SHISA6: variants seen among roughly 807,000 people sequenced by gnomAD.
SHISA6 encodes the protein shisa family member 6, also known as protein shisa-6.
In SHISA6, 22 loss-of-function variants were observed where a neutral mutation model predicts 47.9. That is an observed-to-expected ratio of 0.46 (90% CI 0.33 to 0.66). The LOEUF (loss-of-function observed/expected upper bound fraction) is 0.66. SHISA6 is among the 30% of genes least tolerant of loss of function. The pLI is 0.02. For missense variants in SHISA6, 680 were observed against 764.6 expected (o/e 0.89, Z 1.30); for synonymous variants, 388 against 337.8 (o/e 1.15, Z -1.63).
At chr17:11,375,640 C>G (rs776729924) in intron 2 of SHISA6, among the ~76,000 whole-genome samples, 14 of 152,272 alleles carry the variant, frequency 9.2e-5, no homozygotes, top group Non-Finnish European at 2.1e-4. Context: ...ATCACACACT[C>G]CAGGAGCCCA....
intron 3 of SHISA6, among the ~76,000 whole-genome samples, chr17:11,549,900 T>C (rs1388003416): frequency 6.6e-6 from 1 of 152,234 alleles, no homozygotes; most frequent in Non-Finnish European, 1.5e-5. Context: ...TTCTCTCTTC[T>C]TGCTTAAATT....
intron 3 of SHISA6, among the ~76,000 whole-genome samples, chr17:11,516,606 C>T (rs2071588015): frequency 6.6e-6 from 1 of 152,184 alleles, no homozygotes; most frequent in African/African-American, 2.4e-5. Context: ...CTGTGGCAGA[C>T]TTCAAACTAC....
At chr17:11,396,121 T>C (rs1216322365) in intron 3 of SHISA6, among the ~76,000 whole-genome samples, 1 of 152,242 alleles carries the variant, frequency 6.6e-6, no homozygotes, top group Non-Finnish European at 1.5e-5. Context: ...TGTCAAAAGC[T>C]TTTTCAGCAT....
intron 2 of SHISA6, among the ~76,000 whole-genome samples, chr17:11,300,955 T>C (rs915189685): frequency 1.7e-4 from 23 of 138,424 alleles, no homozygotes; most frequent in Admixed American, 1.3e-3. Context: ...AATCACAACA[T>C]GTTCACACAG....
At chr17:11,496,296 C>T (rs8074948) in intron 3 of SHISA6, among the ~76,000 whole-genome samples, 2,773 of 152,282 alleles carry the variant, frequency 0.018, 77 homozygotes, top group African/African-American at 0.062. Context: ...TTCCATCCAC[C>T]ACAGGTGAGA....
chr17:11,264,720 A>G (rs574748406), intron 2 of SHISA6, among the ~76,000 whole-genome samples: 2 of 152,354 alleles, frequency 1.3e-5, no homozygotes, highest in Admixed American at 1.3e-4. Flanking sequence ...GATCAAATCC[A>G]AACTATAGCA....
intron 1 of SHISA6, among the ~76,000 whole-genome samples, chr17:11,245,700 C>T (rs1358212988): frequency 3.3e-5 from 4 of 120,506 alleles, no homozygotes; most frequent in Non-Finnish European, 6.5e-5. Flanking sequence ...GCCCTGGGTC[C>T]TTCCACTGCC....
At chr17:11,450,164 C>T (rs1915352564) in intron 3 of SHISA6, among the ~76,000 whole-genome samples, 1 of 152,018 alleles carries the variant, frequency 6.6e-6, no homozygotes, top group Non-Finnish European at 1.5e-5. Flanking sequence ...GGATTACAGG[C>T]GTTGAGCCAC....
At position 11,508,615 on chromosome 17, in the gene SHISA6, T is replaced by C. The variant is rs1409827463; in HGVS notation, c.896-43281T>C. Among the ~76,000 whole-genome samples, 6 of 125,118 alleles carry C rather than the reference T, an allele frequency of 4.8e-5. 2 individuals carry two copies. The highest frequency in any genetic ancestry group is 1.0e-4 in the Non-Finnish European group (6 of 59,834). 82.1% of individuals were successfully genotyped at this position (125,118 alleles called of 152,430 possible). A position where few individuals can be genotyped will look rare whatever the true frequency, so the allele number is the denominator to read the frequency against. On this transcript the variant is annotated intron_variant, in intron 3 of 5. Transcript: ENST00000441885. ...CCTGCCAGTGCTCCCAGGTCATTTCTCCTTGGGGGTGCCCACAGGTGGGTG... is the reference window on the plus strand; with the variant it reads ...CCTGCCAGTGCTCCCAGGTCATTTCCCCTTGGGGGTGCCCACAGGTGGGTG...
At chr17:11,386,805 C>T (rs1253014956) in intron 3 of SHISA6, among the ~76,000 whole-genome samples, 1 of 152,158 alleles carries the variant, frequency 6.6e-6, no homozygotes, top group Admixed American at 6.5e-5. Flanking sequence ...GTGATCTTTG[C>T]TCAGTGAAAT....
chr17:11,331,722 C>T lies in SHISA6; in HGVS notation c.800-47692C>T, dbSNP rs1159622773. Among the ~76,000 whole-genome samples, 4 of 138,378 alleles carry T rather than the reference C, an allele frequency of 2.9e-5. No individual in the cohort carries two copies. The East Asian group carries it at 8.7e-4, about 30-fold the overall frequency. The allele number at this position is 138,378 out of a possible 152,430, so 90.8% of individuals were successfully genotyped here. Reference sequence around the variant, plus strand: ...CTATCTTTTTCTCTGATCCACAGCTCACATGGACAGGGCTCTCTCAAACAC... The same window carrying T: ...CTATCTTTTTCTCTGATCCACAGCTTACATGGACAGGGCTCTCTCAAACAC... On this transcript the variant is annotated intron_variant, in intron 2 of 5. Transcript: ENST00000441885.
intron 2 of SHISA6, among the ~76,000 whole-genome samples, chr17:11,304,269 C>T (rs1391326841): frequency 1.3e-5 from 2 of 152,180 alleles, no homozygotes; most frequent in African/African-American, 2.4e-5. Context: ...GGCCGGGTGG[C>T]AGTGTGAAGT....
At chr17:11,319,137 G>T (rs1910625029) in intron 2 of SHISA6, among the ~76,000 whole-genome samples, 1 of 147,502 alleles carries the variant, frequency 6.8e-6, no homozygotes, top group Non-Finnish European at 1.5e-5. Flanking sequence ...GGAGTGTAAT[G>T]GCATGATCTT....
intron 2 of SHISA6, among the ~76,000 whole-genome samples, chr17:11,286,051 T>C (rs995445711): frequency 2.0e-5 from 3 of 152,212 alleles, no homozygotes; most frequent in Middle Eastern, 3.4e-3. Context: ...TTAGCCAGGA[T>C]GGTCTCGAAC....
At chr17:11,370,748 A>G (rs1912608080) in intron 2 of SHISA6, among the ~76,000 whole-genome samples, 1 of 152,098 alleles carries the variant, frequency 6.6e-6, no homozygotes, top group Admixed American at 6.6e-5. Flanking sequence ...TGCCTTTGTG[A>G]CCTTGAGAAT....
At chr17:11,280,610 T>C (rs531886746) in intron 2 of SHISA6, among the ~76,000 whole-genome samples, 2 of 152,346 alleles carry the variant, frequency 1.3e-5, no homozygotes, top group Non-Finnish European at 2.9e-5. Flanking sequence ...GTTCAAATGT[T>C]CAAGAAGGTA....
chr17:11,368,322 A>G (rs1912521503), intron 2 of SHISA6, among the ~76,000 whole-genome samples: 2 of 151,782 alleles, frequency 1.3e-5, no homozygotes, highest in African/African-American at 4.8e-5. Context: ...TCTCCTACTA[A>G]TCTTAATTAG....
chr17:11,246,346 C>T (rs1389083136), intron 1 of SHISA6, among the ~76,000 whole-genome samples: 8 of 152,186 alleles, frequency 5.3e-5, no homozygotes, highest in South Asian at 2.1e-4. Context: ...AAAAGTTAGC[C>T]GGGTGTGGTG....
chr17:11,466,337 A>G (rs1915809992), intron 3 of SHISA6, among the ~76,000 whole-genome samples: 1 of 152,296 alleles, frequency 6.6e-6, no homozygotes, highest in South Asian at 2.1e-4. Flanking sequence ...GAATACAAGG[A>G]TGATAAACGG....
Sources: gnomAD v4.1 joint callset for allele counts (sites outside exome capture counted in the v4.1 genomes callset) on GRCh38, gnomAD v4.1.1 for gene constraint, MANE v1.5 for transcripts, NCBI Gene and HGNC (gene_info 2026-07-23, HGNC 2026-07-21) for gene names.